Variants in SAMSN1 observed in about 807,000 individuals in gnomAD.
The protein encoded by SAMSN1 is SAM domain, SH3 domain and nuclear localization signals 1, also known as SAM domain-containing protein SAMSN-1.
SAMSN1 carries 31 observed loss-of-function variants against 42.0 expected under a neutral mutation model. The ratio of observed to expected loss-of-function variants is 0.74; its 90% CI spans 0.55 to 1.00. The LOEUF is 1.00. SAMSN1 is among the 50% of genes least tolerant of loss of function. The pLI is 0.00. For synonymous variants in SAMSN1, 178 were observed against 151.9 expected (o/e 1.17, Z -1.26); for missense variants, 464 against 439.4 (o/e 1.06, Z -0.50).
chr21:14,600,035 T>C (rs772536504), intron 6 of SAMSN1, among the ~76,000 whole-genome samples: 1 of 152,182 alleles, frequency 6.6e-6, no homozygotes, highest in Non-Finnish European at 1.5e-5. Context: ...AACAGGAGTA[T>C]GGCACCAAAG....
intron 2 of SAMSN1, among the ~76,000 whole-genome samples, chr21:14,578,679 TCA>T (rs1981587461): frequency 2.3e-4 from 5 of 21,346 alleles, no homozygotes; most frequent in Non-Finnish European, 4.3e-4. Flanking sequence ...TGAGAATCCA[TCA>T]AAAAAAAAAA....
chr21:14,486,777 A>G (rs1312126417), intron 7 of SAMSN1, among the ~76,000 whole-genome samples: 8 of 152,182 alleles, frequency 5.3e-5, no homozygotes, highest in African/African-American at 1.4e-4. Context: ...AGTCTTCCAT[A>G]TCTTTGTCTG....
chr21:14,642,647 G>A (rs1223741209), intron 2 of SAMSN1, among the ~76,000 whole-genome samples: 2 of 152,178 alleles, frequency 1.3e-5, no homozygotes, highest in Non-Finnish European at 2.9e-5. Context: ...ATATGTATCT[G>A]TTTAAATGCC....
chr21:14,643,131 C>T (rs1426528749), exon 2 of SAMSN1: 2 of 716,654 alleles, frequency 2.8e-6, no homozygotes, highest in Admixed American at 2.0e-5. Flanking sequence ...CCATAGAGCC[C>T]TCCTGCAATA....
In SAMSN1 at chr21:14,526,146, G is replaced by C. The variant is rs113903861; in HGVS notation, c.58-4925C>G. Among the ~76,000 whole-genome samples, 563 of 152,336 alleles carry C rather than the reference G, an allele frequency of 3.7e-3. 1 individual carries two copies. Among genetic ancestry groups the C allele is most frequent in the African/African-American group, 0.011 (464 of 41,588 alleles). ...GCCTCCCAAAGTGCTGGGATTACAG[G>C]TGTGAGCTGCCATGCCCAGCCAGTT... is the stretch of plus-strand genomic sequence containing the variant. On this transcript the variant is annotated intron_variant, in intron 1 of 7. Coordinates refer to ENST00000400566, the MANE Select transcript of SAMSN1 (RefSeq NM_022136.5).
intron 1 of SAMSN1, among the ~76,000 whole-genome samples, chr21:14,540,620 AAGTC>A (rs1181757693): frequency 6.6e-6 from 1 of 152,218 alleles, no homozygotes; most frequent in African/African-American, 2.4e-5. Context: ...GATCATTAAA[AAGTC>A]AGGAAACAAC....
At chr21:14,601,549 G>A (rs1419852884) in intron 6 of SAMSN1, among the ~76,000 whole-genome samples, 1 of 152,144 alleles carries the variant, frequency 6.6e-6, no homozygotes, top group African/African-American at 2.4e-5. Context: ...ATCCTCTCTT[G>A]TTACAGGGTG....
Position 14,594,213 on chromosome 21 carries a change from T to C in SAMSN1, c.400-135A>G, listed in dbSNP as rs1982179781. On this transcript the variant is annotated intron_variant, in intron 6 of 15. Transcript: ENST00000647101. ...TTAATTAGAAATAATTATCTTGTTA[T>C]CAAAGTACACTGATTAATGTTTCAT... The C allele has an allele frequency of 1.9e-5, 11 of 590,876 alleles. No individual in the cohort carries two copies. The South Asian group carries it at 2.3e-4, about 12-fold the overall frequency. The allele number at this position is 590,876 out of a possible 1,614,324, so 36.6% of individuals were successfully genotyped here. A position where few individuals can be genotyped will look rare whatever the true frequency, so the allele number is the denominator to read the frequency against.
chr21:14,610,895 T>C (rs1368157527), intron 4 of SAMSN1, among the ~76,000 whole-genome samples: 2 of 152,206 alleles, frequency 1.3e-5, no homozygotes, highest in Non-Finnish European at 2.9e-5. Flanking sequence ...ATGATTGCAT[T>C]ATTCTTTGTA....
At chr21:14,514,884 T>C (rs573907823) in intron 3 of SAMSN1, among the ~76,000 whole-genome samples, 1 of 152,134 alleles carries the variant, frequency 6.6e-6, no homozygotes, top group Non-Finnish European at 1.5e-5. Flanking sequence ...GAAGAGGTCA[T>C]AGCTAGAGAT....
Position 14,495,200 on chromosome 21 carries a change from A to G in SAMSN1, c.919+3242T>C, listed in dbSNP as rs1361187228. On this transcript the variant is annotated intron_variant, in intron 7 of 7. Coordinates refer to ENST00000400566, the MANE Select transcript of SAMSN1 (RefSeq NM_022136.5). The stretch of plus-strand genomic sequence containing the variant: ...ATGTCTCAGTTTTATATAACCATAT[A>G]CTCAAGGTCTTTATCATTCAAGGTA... 2.0e-5 allele frequency among the ~76,000 whole-genome samples: 3 copies of G among 152,238 alleles called. No homozygotes were observed. In the East Asian group the frequency reaches 5.8e-4, roughly 29 times the overall value.
chr21:14,618,656 A>ATGTG (rs3050614), intron 2 of SAMSN1, among the ~76,000 whole-genome samples: 73 of 149,164 alleles, frequency 4.9e-4, no homozygotes, highest in African/African-American at 4.2e-4. Context: ...ACAGCTGTGT[A>ATGTG]TGTGTGTGTG....
At chr21:14,493,574 AACACACACAC>A (rs201460166) in intron 7 of SAMSN1, among the ~76,000 whole-genome samples, 72 of 102,316 alleles carry the variant, frequency 7.0e-4, no homozygotes, top group African/African-American at 2.0e-3. Flanking sequence ...TTTATGGAAC[AACACACACAC>A]ACACACACAC....
intron 5 of SAMSN1, among the ~76,000 whole-genome samples, chr21:14,608,648 G>A (rs1982625204): frequency 6.6e-6 from 1 of 152,124 alleles, no homozygotes; most frequent in Non-Finnish European, 1.5e-5. Flanking sequence ...AGGCAGCACA[G>A]CTTGCAGCCT....
intron 5 of SAMSN1, among the ~76,000 whole-genome samples, chr21:14,509,562 A>C (rs559038418): frequency 2.6e-5 from 4 of 152,292 alleles, no homozygotes; most frequent in African/African-American, 9.6e-5. Flanking sequence ...AATAAAAAAT[A>C]CTGGAATTGC....
upstream of SAMSN1, among the ~76,000 whole-genome samples, chr21:14,550,308 C>T (rs1980555920): frequency 6.6e-6 from 1 of 152,030 alleles, no homozygotes; most frequent in Admixed American, 6.6e-5. Context: ...CTAAGGGACC[C>T]AGCCCTACCC....
At chr21:14,622,889 A>T (rs1983052428) in intron 2 of SAMSN1, among the ~76,000 whole-genome samples, 1 of 152,236 alleles carries the variant, frequency 6.6e-6, no homozygotes, top group Admixed American at 6.5e-5. Context: ...GGTTACCCAC[A>T]AAGGGAAGCC....
chr21:14,588,953 A>T (rs1414723857), intron 7 of SAMSN1, among the ~76,000 whole-genome samples: 1 of 151,966 alleles, frequency 6.6e-6, no homozygotes, highest in Non-Finnish European at 1.5e-5. Flanking sequence ...TGTAAATGTA[A>T]TTTTTCATAT....
chr21:14,637,007 AGAG>A (rs1247056485), intron 2 of SAMSN1, among the ~76,000 whole-genome samples: 2 of 152,200 alleles, frequency 1.3e-5, no homozygotes, highest in Non-Finnish European at 2.9e-5. Context: ...CCCTAAGTGA[AGAG>A]GAGAATTGAT....
Sources: allele counts gnomAD v4.1 joint callset (sites outside exome capture counted in the v4.1 genomes callset), GRCh38; gene constraint gnomAD v4.1.1; transcripts MANE v1.5; gene names NCBI Gene and HGNC (gene_info 2026-07-23, HGNC 2026-07-21).